DDX55: variants seen among roughly 807,000 people sequenced by gnomAD.
The protein encoded by DDX55 is DEAD-box helicase 55.
DDX55 carries 56 observed loss-of-function variants against 69.2 expected under a neutral mutation model. The observed-to-expected ratio is 0.81, with a 90% CI of 0.65 to 1.01. DDX55 has a LOEUF of 1.01. Ranked by LOEUF, DDX55 falls within the 50% of genes least tolerant of loss-of-function variation. The pLI is 0.00. For missense variants in DDX55, 720 were observed against 745.1 expected (o/e 0.97, Z 0.39); for synonymous variants, 268 against 273.1 (o/e 0.98, Z 0.18).
intron 1 of DDX55, 66 bp downstream of exon 1, chr12:123,602,322 A>T: frequency 7.1e-7 from 1 of 1,409,350 alleles, no homozygotes. Context: ...CATCGGACCC[A>T]CAGGAGGTGA....
At chr12:123,614,000 T>C (rs1174061799) in intron 8 of DDX55, among the ~76,000 whole-genome samples, 5 of 151,480 alleles carry the variant, frequency 3.3e-5, no homozygotes, top group Non-Finnish European at 7.4e-5. Context: ...TTTATATTTA[T>C]TTATATATTT....
rs540390630 is a variant in DDX55, at chr12:123,613,145, A to G, written c.742-25A>G. On this transcript the variant is annotated intron_variant, in intron 7 of 13. Coordinates refer to ENST00000238146, the MANE Select transcript of DDX55 (RefSeq NM_020936.3). ...ATTATTATTGCCAAATATGTTTTTT[A>G]TTAGTTTCCCTTTTTATTTTGCAGG... 109 of 1,611,444 alleles carry G rather than the reference A, an allele frequency of 6.8e-5. No homozygotes were observed. The South Asian group carries it at 1.1e-3, about 17-fold the overall frequency.
In DDX55 at chr12:123,610,059, A is replaced by T. The variant is rs576448143; in HGVS notation, c.672A>T (p.Ser224=). ...RAGLRNPVRV[S]VKEKGVAASS... is the part of the protein sequence containing the mutation. ...GCCTCCGGAACCCTGTCCGGGTCTC[A>T]GTGAAGGAGAAGGGCGTGGCAGCCA... is the stretch of plus-strand genomic sequence containing the variant. Residue 224 remains serine, a synonymous_variant, in exon 7 of 14, where the codon TCA becomes TCT. Coordinates refer to ENST00000238146, the MANE Select transcript of DDX55 (RefSeq NM_020936.3). The T allele has an allele frequency of 2.5e-6, 4 of 1,614,190 alleles. No homozygotes were observed. The highest frequency in any genetic ancestry group is 3.4e-6 in the Non-Finnish European group (4 of 1,180,034).
chr12:123,605,314 C>T (rs1040174796), intron 1 of DDX55: 25 of 163,866 alleles, frequency 1.5e-4, no homozygotes, highest in Admixed American at 8.4e-4. Flanking sequence ...TGAGCCACCA[C>T]GCCTGGCCCA....
rs761069639 is a variant in DDX55, at chr12:123,617,781, G to T, written c.1073G>T (p.Arg358Leu). 2 of 1,612,706 alleles carry T rather than the reference G, an allele frequency of 1.2e-6. No homozygotes were observed. Among genetic ancestry groups the T allele is most frequent in the African/African-American group, 1.3e-5 (1 of 74,780 alleles). The change falls in exon 11 of 14, where the codon CGC becomes CTC. Residue 358 changes from arginine to leucine, a missense_variant. Transcript: ENST00000238146. ...AGTGCCTTCGTGCATCGCTGCGGTCGCACAGCTCGCATTGGCCACGGGGGC... is the reference window on the plus strand; with the variant it reads ...AGTGCCTTCGTGCATCGCTGCGGTCTCACAGCTCGCATTGGCCACGGGGGC... ...NASAFVHRCGRTARIGHGGSA... is the reference protein window; with the variant it reads ...NASAFVHRCGLTARIGHGGSA...
intron 7 of DDX55, among the ~76,000 whole-genome samples, chr12:123,610,612 T>TC (rs1401577570): frequency 3.0e-5 from 4 of 131,938 alleles, no homozygotes; most frequent in African/African-American, 3.3e-5. Flanking sequence ...TTTCTTTTTT[T>TC]TTTTTTTTTT....
chr12:123,604,968 A>G (rs1953795275), intron 1 of DDX55: 1 of 152,210 alleles, frequency 6.6e-6, no homozygotes, highest in Admixed American at 6.5e-5. Flanking sequence ...TAACAACATC[A>G]CTGGAATCTG....
rs1336175104 is a variant in DDX55, at chr12:123,620,083, CA to C, written c.1750del (p.Arg584GlufsTer8). On this transcript the variant is annotated frameshift_variant, in exon 14 of 14. Transcript: ENST00000238146. LOFTEE classifies it high-confidence loss of function. ...TTGAGAAGGGCTTGTTGACAACTGG[CA>C]AAAGAACAATCAAGACAGTGGATTT... Reference protein sequence around the residue: ...EFEKGLLTTGKRTIKTVDLGI... With the variant: ...EFEKGLLTTGXRTIKTVDLGI... The C allele has an allele frequency of 1.9e-6, 3 of 1,613,912 alleles. No homozygotes were observed. Among genetic ancestry groups the C allele is most frequent in the East Asian group, 4.5e-5 (2 of 44,888 alleles).
intron 8 of DDX55, among the ~76,000 whole-genome samples, 197 bp downstream of exon 8, chr12:123,613,449 A>G (rs766631135): frequency 6.6e-6 from 1 of 152,220 alleles, no homozygotes; most frequent in Non-Finnish European, 1.5e-5. Flanking sequence ...GTCCAAAGGC[A>G]GGCAGTTTCT....
chr12:123,617,280 T>C (rs1179308743), intron 10 of DDX55, among the ~76,000 whole-genome samples: 4 of 152,216 alleles, frequency 2.6e-5, no homozygotes, highest in African/African-American at 9.6e-5. Context: ...AAACACACAA[T>C]AGAATGTCTA....
intron 8 of DDX55, among the ~76,000 whole-genome samples, chr12:123,613,727 G>C (rs1414497093): frequency 6.6e-6 from 1 of 152,168 alleles, no homozygotes; most frequent in Non-Finnish European, 1.5e-5. Flanking sequence ...GCCAAAAGTG[G>C]GTCACGTGGT....
At chr12:123,615,423 C>T in intron 9 of DDX55, 107 bp downstream of exon 9, 2 of 1,468,858 alleles carry the variant, frequency 1.4e-6, no homozygotes, top group Non-Finnish European at 1.8e-6. Flanking sequence ...TGTTGTCTTT[C>T]CTGCCTGGAA....
At chr12:123,609,868 A>C in intron 6 of DDX55, 71 bp from the exon 7 acceptor site, 4 of 1,518,766 alleles carry the variant, frequency 2.6e-6, no homozygotes, top group Non-Finnish European at 3.5e-6. Flanking sequence ...ATACCTGTTT[A>C]GTATCGTGAA....
chr12:123,612,921 C>T (rs975396250), intron 7 of DDX55, among the ~76,000 whole-genome samples: 7 of 151,982 alleles, frequency 4.6e-5, no homozygotes, highest in African/African-American at 1.7e-4. Flanking sequence ...GAGTTGGGAA[C>T]TGTTGCCTGT....
chr12:123,617,885 C>G lies in DDX55; in HGVS notation c.1164+13C>G, dbSNP rs1566202120. 1.3e-6 allele frequency: 2 copies of G among 1,576,026 alleles called. No individual in the cohort carries two copies. Among genetic ancestry groups the G allele is most frequent in the South Asian group, 2.2e-5 (2 of 89,950 alleles). ...AATTAACCAAAAAGTAAGCTGCCGT[C>G]CGTTTTCAGATAGAATGCCTAGTGA... On this transcript the variant is annotated intron_variant, in intron 11 of 13. Transcript: ENST00000238146.
At chr12:123,616,996 A>G (rs969152669) in intron 10 of DDX55, among the ~76,000 whole-genome samples, 8 of 152,194 alleles carry the variant, frequency 5.3e-5, no homozygotes, top group Non-Finnish European at 1.0e-4. Flanking sequence ...TACAAAAAAT[A>G]TATATACAGA....
rs74807783 is a variant in DDX55 at position 123,607,434 on chromosome 12, T to C, written c.249T>C (p.Val83=). 3.1e-6 allele frequency: 5 copies of C among 1,613,980 alleles called. No homozygotes were observed. The South Asian group carries it at 5.5e-5, about 18-fold the overall frequency. Residue 83 remains valine, a splice_region_variant and synonymous_variant, in exon 4 of 14, where the codon GTT becomes GTC. Coordinates refer to ENST00000238146, the MANE Select transcript of DDX55 (RefSeq NM_020936.3). The part of the protein sequence containing the change: ...RREEKLKKSQ[V]GAIIITPTRE... ...GTCCCTTCCTTCCATGTGGGTAGGTTGGAGCCATAATCATCACCCCCACTC... is the reference window on the plus strand; with the variant it reads ...GTCCCTTCCTTCCATGTGGGTAGGTCGGAGCCATAATCATCACCCCCACTC...
rs1469718015 is a variant in DDX55 at position 123,602,164 on chromosome 12, G to A, written c.16G>A (p.Glu6Lys). MEHVT[E>K]GSWESLPVPL... ...GGAGCGCGCCATGGAGCATGTGACA[G>A]AGGGCTCCTGGGAGTCGCTGCCTGT... The change falls in exon 1 of 14, where the codon GAG becomes AAG. Residue 6 changes from glutamate (E) to lysine (K), a missense_variant. Physicochemically the swap from Glu to Lys is moderately conservative, Grantham distance 56. Coordinates refer to ENST00000238146, the MANE Select transcript of DDX55 (RefSeq NM_020936.3). 6.4e-7 allele frequency: 1 copy of A among 1,559,508 alleles called. No homozygotes were observed. Among genetic ancestry groups the A allele is most frequent in the Admixed American group, 1.9e-5 (1 of 52,542 alleles).
chr12:123,617,070 A>C (rs987792691), intron 10 of DDX55, among the ~76,000 whole-genome samples: 3 of 152,206 alleles, frequency 2.0e-5, no homozygotes, highest in African/African-American at 7.2e-5. Context: ...GAATCGCTTG[A>C]GCGCAGGAGG....
Sources: gnomAD v4.1 joint callset for allele counts (sites outside exome capture counted in the v4.1 genomes callset) on GRCh38, gnomAD v4.1.1 for gene constraint, MANE v1.5 for transcripts, NCBI Gene and HGNC (gene_info 2026-07-23, HGNC 2026-07-21) for gene names.